The following HSF2 variants were observed in gnomAD, a reference collection of about 807,000 sequenced individuals.
HSF2 encodes the protein heat shock transcription factor 2, also known as heat shock factor protein 2.
A neutral mutation model predicts 65.0 loss-of-function variants in HSF2; 21 were observed. That is an observed-to-expected ratio of 0.32 (90% CI 0.23 to 0.47). The LOEUF is 0.47. Among genes scored for constraint, HSF2 ranks in the 20% least tolerant of loss-of-function variants. HSF2 has a pLI of 1.00. For missense variants in HSF2, 499 were observed against 628.1 expected, an observed-to-expected ratio of 0.79 and a Z score of 2.20; for synonymous variants, 225 against 219.1, an observed-to-expected ratio of 1.03 and a Z score of -0.24.
intron 1 of HSF2, among the ~76,000 whole-genome samples, chr6:122,411,087 T>C (rs1203924455): frequency 6.6e-6 from 1 of 151,692 alleles, no homozygotes; most frequent in Admixed American, 6.6e-5. Flanking sequence ...AATGCACCAA[T>C]ATTCCAATTT....
intron 6 of HSF2, 39 bp from the exon 7 acceptor site, chr6:122,420,096 T>C: frequency 6.4e-7 from 1 of 1,562,236 alleles, no homozygotes; most frequent in Non-Finnish European, 8.6e-7. Flanking sequence ...ATTCATTGTA[T>C]GTTTGCTTCA....
rs1554207218 is a variant in HSF2 at position 122,399,678 on chromosome 6, G to GCCGCCGTAGCTGCCGCCGCCGCTA, written c.-54_-53insTAGCTGCCGCCGCCGCTACCGCCG. The GCCGCCGTAGCTGCCGCCGCCGCTA allele has an allele frequency of 9.0e-6, 13 of 1,438,334 alleles. No individual in the cohort carries two copies. The highest frequency in any genetic ancestry group is 1.4e-5 in the African/African-American group (1 of 69,850). The allele number at this position is 1,438,334 out of a possible 1,614,324, so 89.1% of individuals were successfully genotyped here. Reference sequence around the variant, plus strand: ...TTCTCGGGGAGCTGCTGCCGTAGCTGCCGCCGCCGCTACCACCGCGTTCGG... The same window carrying GCCGCCGTAGCTGCCGCCGCCGCTA: ...TTCTCGGGGAGCTGCTGCCGTAGCTGCCGCCGTAGCTGCCGCCGCCGCTACCGCCGCCGCTACCACCGCGTTCGG... On this transcript the variant is annotated 5_prime_UTR_variant, in exon 1 of 13. Transcript: ENST00000368455.
intron 6 of HSF2, among the ~76,000 whole-genome samples, chr6:122,419,828 A>G (rs181708088): frequency 4.6e-5 from 7 of 152,196 alleles, no homozygotes; most frequent in Admixed American, 2.6e-4. Context: ...GATATTATCT[A>G]TTTTTTTCTA....
chr6:122,427,775 T>G, intron 10 of HSF2, 128 bp from the exon 11 acceptor site: 2 of 474,678 alleles, frequency 4.2e-6, no homozygotes, highest in Non-Finnish European at 7.4e-6. Flanking sequence ...CAAACTTGTT[T>G]AACTGTATAG....
At chr6:122,402,009 T>A (rs1773744508) in intron 1 of HSF2, among the ~76,000 whole-genome samples, 1 of 152,208 alleles carries the variant, frequency 6.6e-6, no homozygotes. Flanking sequence ...CAGCACAAAT[T>A]CATAAAGTTT....
intron 10 of HSF2, among the ~76,000 whole-genome samples, chr6:122,427,080 G>T (rs980365490): frequency 6.6e-6 from 1 of 151,904 alleles, no homozygotes; most frequent in Non-Finnish European, 1.5e-5. Flanking sequence ...GTATGTTTCT[G>T]TGTGCGCTTT....
At position 122,413,582 on chromosome 6, in the gene HSF2, A is replaced by T. The variant is rs923750421; in HGVS notation, c.388A>T (p.Ile130Leu). ...KIRQEDLTKI[I>L]SSAQKVQIKQ... ...TCGTCAGGAAGATTTAACAAAAATT[A>T]TAAGTAGTGCTCAGAAGGTTCAGAT... Residue 130 changes from isoleucine (I) to leucine (L), a missense_variant, in exon 4 of 13, where the codon ATA becomes TTA. By Grantham distance (5) the Ile-to-Leu change is conservative. Transcript: ENST00000368455. 1.4e-5 allele frequency: 23 copies of T among 1,597,652 alleles called. No individual in the cohort carries two copies. Among genetic ancestry groups the T allele is most frequent in the Non-Finnish European group, 1.9e-5 (22 of 1,165,700 alleles).
At chr6:122,409,822 T>C (rs1479667334) in intron 1 of HSF2, among the ~76,000 whole-genome samples, 1 of 151,984 alleles carries the variant, frequency 6.6e-6, no homozygotes, top group Non-Finnish European at 1.5e-5. Context: ...CTGGGTTTAT[T>C]ATGTCATGTC....
intron 11 of HSF2, among the ~76,000 whole-genome samples, chr6:122,430,107 G>T (rs1292133028): frequency 6.6e-6 from 1 of 152,132 alleles, no homozygotes; most frequent in Non-Finnish European, 1.5e-5. Context: ...TGTACCTCTG[G>T]TAGAATTCAG....
rs1156912924 is a variant in HSF2, at chr6:122,420,121, C to A, written c.594-14C>A. ...TGTTTGCTTCACTGAACTGCATATT[C>A]TTCTGGTTTTCAGGCCTCTACTTCT... is the stretch of plus-strand genomic sequence containing the variant. On this transcript the variant is annotated splice_polypyrimidine_tract_variant and intron_variant, in intron 6 of 12. Transcript: ENST00000368455. 5.6e-6 allele frequency: 9 copies of A among 1,596,458 alleles called. No individual in the cohort carries two copies. In the East Asian group the frequency reaches 9.0e-5, roughly 16 times the overall value.
chr6:122,423,912 G>A (rs1774289896), intron 10 of HSF2, among the ~76,000 whole-genome samples: 1 of 152,056 alleles, frequency 6.6e-6, no homozygotes, highest in Non-Finnish European at 1.5e-5. Flanking sequence ...TTCCCTGTGA[G>A]AACATATCAG....
At chr6:122,420,326 G>A in intron 7 of HSF2, 104 bp downstream of exon 7, 4 of 755,790 alleles carry the variant, frequency 5.3e-6, no homozygotes, top group East Asian at 3.1e-5. Flanking sequence ...AACAATTCAA[G>A]TGTTCATCCC....
chr6:122,410,740 A>AT (rs1773970882), intron 1 of HSF2, among the ~76,000 whole-genome samples: 2 of 151,784 alleles, frequency 1.3e-5, no homozygotes, highest in African/African-American at 4.8e-5. Flanking sequence ...GCTTGTGAGA[A>AT]TTTCCTTTTT....
chr6:122,421,096 T>G (rs1301112900), intron 7 of HSF2, among the ~76,000 whole-genome samples: 1 of 152,094 alleles, frequency 6.6e-6, no homozygotes, highest in African/African-American at 2.4e-5. Flanking sequence ...CTTACATTGG[T>G]TATTCTATTT....
At chr6:122,428,078 T>G (rs925159693) in intron 11 of HSF2, 122 bp downstream of exon 11, 3 of 532,820 alleles carry the variant, frequency 5.6e-6, no homozygotes, top group Non-Finnish European at 9.9e-6. Flanking sequence ...ACCCAGTATG[T>G]GTGATCAAGA....
chr6:122,400,644 A>G (rs1773707316), intron 1 of HSF2, among the ~76,000 whole-genome samples: 1 of 152,186 alleles, frequency 6.6e-6, no homozygotes. Context: ...CCTAAGTTAA[A>G]TCTTTCATAA....
chr6:122,400,948 C>T (rs941301115), intron 1 of HSF2, among the ~76,000 whole-genome samples: 1 of 152,152 alleles, frequency 6.6e-6, no homozygotes, highest in Non-Finnish European at 1.5e-5. Context: ...TCCTGTTCTC[C>T]TATTATAGGA....
intron 5 of HSF2, among the ~76,000 whole-genome samples, chr6:122,418,467 A>G (rs1254126941): frequency 6.6e-5 from 10 of 152,222 alleles, no homozygotes; most frequent in Admixed American, 6.5e-4. Flanking sequence ...CACTACTATA[A>G]GATATGAAAG....
At chr6:122,417,307 A>G (rs907017948) in intron 5 of HSF2, among the ~76,000 whole-genome samples, 27 of 152,206 alleles carry the variant, frequency 1.8e-4, no homozygotes, top group Non-Finnish European at 3.8e-4. Flanking sequence ...ATGTACCTTA[A>G]CCTGTACTTT....
Sources: gnomAD v4.1 joint callset for allele counts (sites outside exome capture counted in the v4.1 genomes callset) on GRCh38, gnomAD v4.1.1 for gene constraint, MANE v1.5 for transcripts, NCBI Gene and HGNC (gene_info 2026-07-23, HGNC 2026-07-21) for gene names.